The following KIF6 variants were observed in gnomAD, a reference collection of about 807,000 sequenced individuals.
The protein encoded by KIF6 is kinesin family member 6, also known as kinesin-like protein KIF6.
In KIF6, 106 loss-of-function variants were observed where a neutral mutation model predicts 112.7. That is an observed-to-expected ratio of 0.94 (90% CI 0.80 to 1.11). The LOEUF is 1.11. Ranked by LOEUF, KIF6 falls within the 50% of genes least tolerant of loss-of-function variation. KIF6 has a pLI of 0.00. For missense variants in KIF6, 929 were observed against 964.0 expected (o/e 0.96, Z 0.48); for synonymous variants, 339 against 339.9 (o/e 1.00, Z 0.03).
Position 39,648,073 on chromosome 6 carries a change from G to A in KIF6, c.252-8316C>T, listed in dbSNP as rs551259564. Among the ~76,000 whole-genome samples, 380 of 149,836 alleles carry A rather than the reference G, an allele frequency of 2.5e-3. 3 individuals are homozygous for A. The highest frequency in any genetic ancestry group is 9.0e-3 in the African/African-American group (368 of 40,694). On this transcript the variant is annotated intron_variant, in intron 3 of 22. Coordinates refer to ENST00000287152, the MANE Select transcript of KIF6 (RefSeq NM_145027.6). ...GAGTCTTACTCTGTCCACCAGGCTG[G>A]AGTGCAGTGGCATGATCTTGGCTCA...
Position 39,336,325 on chromosome 6 carries a change from T to G in KIF6, c.*207A>C. 1.7e-6 allele frequency: 1 copy of G among 573,926 alleles called. No homozygotes were observed. Among genetic ancestry groups the G allele is most frequent in the Non-Finnish European group, 3.1e-6 (1 of 322,052 alleles). The allele number at this position is 573,926 out of a possible 1,614,324, so 35.6% of individuals were successfully genotyped here. A position where few individuals can be genotyped will look rare whatever the true frequency, so the allele number is the denominator to read the frequency against. On this transcript the variant is annotated 3_prime_UTR_variant, in exon 23 of 23. Coordinates refer to ENST00000287152, the MANE Select transcript of KIF6 (RefSeq NM_145027.6). Reference sequence around the variant, plus strand: ...GCAGCTCCAGCAACCACAGGAAGGATGTTGTGGTCAGCCCCAGCCCCAGCC... The same window carrying G: ...GCAGCTCCAGCAACCACAGGAAGGAGGTTGTGGTCAGCCCCAGCCCCAGCC...
At chr6:39,357,757 A>G (rs1204914261) in intron 18 of KIF6, among the ~76,000 whole-genome samples, 1 of 152,102 alleles carries the variant, frequency 6.6e-6, no homozygotes, top group Non-Finnish European at 1.5e-5. Flanking sequence ...CCTTGATGTA[A>G]TTCTTAAGGG....
chr6:39,537,083 TCTA>T (rs1456706555), intron 13 of KIF6, among the ~76,000 whole-genome samples: 1 of 152,130 alleles, frequency 6.6e-6, no homozygotes, highest in African/African-American at 2.4e-5. Context: ...ATAAGAGCTA[TCTA>T]TGACAAACCC....
chr6:39,703,548 T>C, intron 3 of KIF6, among the ~76,000 whole-genome samples: 1 of 152,202 alleles, frequency 6.6e-6, no homozygotes, highest in Non-Finnish European at 1.5e-5. Context: ...GTGTTATCAA[T>C]TAATAAGTAA....
Position 39,489,919 on chromosome 6 carries a change from G to C in KIF6, c.1645+50084C>G, listed in dbSNP as rs182189183. ...GAAATGAACTACTGACGGCATATTT[G>C]ACCTGTGACATTTTTGTTCTTCTTA... On this transcript the variant is annotated intron_variant, in intron 13 of 22. Transcript: ENST00000287152. Among the ~76,000 whole-genome samples, 26 of 152,266 alleles carry C rather than the reference G, an allele frequency of 1.7e-4. No homozygotes were observed. In the East Asian group the frequency reaches 5.0e-3, roughly 29 times the overall value.
At chr6:39,555,102 T>G (rs1779620845) in intron 10 of KIF6, among the ~76,000 whole-genome samples, 1 of 151,176 alleles carries the variant, frequency 6.6e-6, no homozygotes, top group African/African-American at 2.4e-5. Context: ...CAAATCCCAC[T>G]CCTGCACCAG....
At chr6:39,709,541 C>T (rs112924660) in intron 3 of KIF6, among the ~76,000 whole-genome samples, 2,920 of 152,276 alleles carry the variant, frequency 0.019, 52 homozygotes, top group Non-Finnish European at 0.028. Context: ...AGACTGGTAC[C>T]GGTGCATGGC....
At chr6:39,704,708 C>A (rs1191170383) in intron 3 of KIF6, among the ~76,000 whole-genome samples, 1 of 152,154 alleles carries the variant, frequency 6.6e-6, no homozygotes, top group Non-Finnish European at 1.5e-5. Context: ...GGGATCTGAA[C>A]TGCACTTATA....
intron 3 of KIF6, among the ~76,000 whole-genome samples, chr6:39,708,845 C>T (rs1053844040): frequency 6.6e-6 from 1 of 151,410 alleles, no homozygotes; most frequent in African/African-American, 2.4e-5. Flanking sequence ...TAGCCTACCA[C>T]ATATTCCAGA....
intron 13 of KIF6, among the ~76,000 whole-genome samples, chr6:39,454,563 G>C (rs542224576): frequency 9.9e-5 from 15 of 150,998 alleles, no homozygotes; most frequent in African/African-American, 3.4e-4. Context: ...GATCGAGCGT[G>C]AGCGACGCAG....
chr6:39,606,147 C>T (rs941358363), intron 6 of KIF6, among the ~76,000 whole-genome samples: 3 of 151,624 alleles, frequency 2.0e-5, no homozygotes, highest in Non-Finnish European at 4.4e-5. Flanking sequence ...TCTCCTATAT[C>T]TTCTCTTCCT....
chr6:39,390,119 T>C (rs1767756986), intron 15 of KIF6, among the ~76,000 whole-genome samples: 1 of 152,044 alleles, frequency 6.6e-6, no homozygotes, highest in Non-Finnish European at 1.5e-5. Flanking sequence ...ACTTCTTAGT[T>C]GAATGGGCTA....
chr6:39,401,053 T>C (rs1250109956), intron 15 of KIF6, among the ~76,000 whole-genome samples: 2 of 152,248 alleles, frequency 1.3e-5, no homozygotes, highest in Non-Finnish European at 2.9e-5. Context: ...CCAATGATGA[T>C]AATACAATGG....
intron 10 of KIF6, among the ~76,000 whole-genome samples, chr6:39,575,535 G>A (rs931768995): frequency 1.3e-5 from 2 of 152,206 alleles, no homozygotes; most frequent in African/African-American, 2.4e-5. Flanking sequence ...CTTCCAAAGT[G>A]CTGGGATTAC....
chr6:39,601,358 G>T (rs2150696408), intron 6 of KIF6, among the ~76,000 whole-genome samples: 1 of 152,014 alleles, frequency 6.6e-6, no homozygotes, highest in East Asian at 1.9e-4. Context: ...CCTTCCAATT[G>T]TTCTCCATCT....
At chr6:39,721,996 G>A (rs1314167702) in intron 1 of KIF6, among the ~76,000 whole-genome samples, 2 of 151,944 alleles carry the variant, frequency 1.3e-5, no homozygotes, top group Non-Finnish European at 2.9e-5. Context: ...TATTTTTATT[G>A]AAACTTCTCA....
intron 10 of KIF6, among the ~76,000 whole-genome samples, chr6:39,567,381 T>A (rs572432837): frequency 6.6e-6 from 1 of 152,186 alleles, no homozygotes; most frequent in Non-Finnish European, 1.5e-5. Context: ...CATCTTAAGA[T>A]AGCTAGTCTC....
intron 13 of KIF6, among the ~76,000 whole-genome samples, chr6:39,478,012 T>C (rs1213380455): frequency 6.6e-6 from 1 of 152,186 alleles, no homozygotes; most frequent in East Asian, 1.9e-4. Flanking sequence ...TCTTTGTTTT[T>C]TGGATTTTAT....
intron 16 of KIF6, among the ~76,000 whole-genome samples, chr6:39,373,980 AC>A (rs1167596518): frequency 5.3e-5 from 8 of 152,232 alleles, no homozygotes; most frequent in Non-Finnish European, 1.2e-4. Context: ...TTTAAAATTT[AC>A]TACAAAGCTA....
Sources: gnomAD v4.1 joint callset for allele counts (sites outside exome capture counted in the v4.1 genomes callset) on GRCh38, gnomAD v4.1.1 for gene constraint, MANE v1.5 for transcripts, NCBI Gene and HGNC (gene_info 2026-07-23, HGNC 2026-07-21) for gene names.